The following DCTN4 variants were observed in gnomAD, a reference collection of about 807,000 sequenced individuals.
DCTN4 encodes the protein dynactin 4 (p62).
A neutral mutation model predicts 62.7 loss-of-function variants in DCTN4; 23 were observed. The ratio of observed to expected loss-of-function variants is 0.37; its 90% CI spans 0.26 to 0.52. The LOEUF is 0.52. DCTN4 is among the 20% of genes least tolerant of loss of function. The pLI is 0.92. For synonymous variants in DCTN4, 199 were observed against 202.1 expected, an observed-to-expected ratio of 0.98 and a Z score of 0.13; for missense variants, 514 against 580.4, an observed-to-expected ratio of 0.89 and a Z score of 1.18.
At chr5:150,730,227 C>T (rs1395454668) in intron 8 of DCTN4, among the ~76,000 whole-genome samples, 3 of 152,160 alleles carry the variant, frequency 2.0e-5, no homozygotes, top group African/African-American at 7.2e-5. Context: ...ATTGAAGAAA[C>T]TCTGTCATTT....
At chr5:150,716,183 C>T (rs1332014066) in intron 11 of DCTN4, among the ~76,000 whole-genome samples, 1 of 152,150 alleles carries the variant, frequency 6.6e-6, no homozygotes, top group Non-Finnish European at 1.5e-5. Flanking sequence ...GGATTACAGG[C>T]GTGAGCCACC....
At chr5:150,758,367 T>A in intron 1 of DCTN4, 9 of 986,640 alleles carry the variant, frequency 9.1e-6, no homozygotes, top group Non-Finnish European at 1.1e-5. Context: ...TCTTCCCGGC[T>A]GCAGGCCTTG....
In DCTN4 at chr5:150,733,255, C is replaced by A. The variant is rs924315774; in HGVS notation, c.537+113G>T. The A allele has an allele frequency of 9.4e-6, 6 of 640,348 alleles. No homozygotes were observed. In the Admixed American group the frequency reaches 9.6e-5, roughly 10 times the overall value. 39.7% of individuals were successfully genotyped at this position (640,348 alleles called of 1,614,324 possible). A position where few individuals can be genotyped will look rare whatever the true frequency, so the allele number is the denominator to read the frequency against. Reference sequence around the variant, plus strand: ...CTTAAACGTCTATAATTTGAAGAATCCCTCTCTCTGATATCCACCATTCAG... The same window carrying A: ...CTTAAACGTCTATAATTTGAAGAATACCTCTCTCTGATATCCACCATTCAG... On this transcript the variant is annotated intron_variant, in intron 5 of 12. Transcript: ENST00000447998.
At chr5:150,758,607 A>T (rs1752948846) in intron 1 of DCTN4, 2 of 1,230,996 alleles carry the variant, frequency 1.6e-6, no homozygotes, top group Non-Finnish European at 2.1e-6. Context: ...GCAGACAGAC[A>T]CGGTCCCTAA....
intron 9 of DCTN4, among the ~76,000 whole-genome samples, chr5:150,721,003 T>C (rs1399586509): frequency 4.6e-5 from 7 of 152,176 alleles, no homozygotes; most frequent in Non-Finnish European, 1.0e-4. Flanking sequence ...AAAATGAACA[T>C]ATTTTATGGT....
chr5:150,754,722 C>T (rs998384058), intron 2 of DCTN4, among the ~76,000 whole-genome samples: 2 of 152,202 alleles, frequency 1.3e-5, no homozygotes, highest in South Asian at 4.1e-4. Context: ...AATCCCAGCA[C>T]TTTGGGCCAA....
At chr5:150,731,928 G>A (rs894657196) in intron 5 of DCTN4, 7 of 1,551,426 alleles carry the variant, frequency 4.5e-6, no homozygotes, top group Non-Finnish European at 6.1e-6. Flanking sequence ...CAAAATAGCA[G>A]CAGGTTGCAA....
In DCTN4 at chr5:150,723,122, A is replaced by G. The variant is rs17111304; in HGVS notation, c.835-142T>C. 4,612 of 605,616 alleles carry G rather than the reference A, an allele frequency of 7.6e-3. 135 individuals are homozygous for G. The highest frequency in any genetic ancestry group is 0.066 in the African/African-American group (3,525 of 53,012). 37.5% of individuals were successfully genotyped at this position (605,616 alleles called of 1,614,324 possible). A position where few individuals can be genotyped will look rare whatever the true frequency, so the allele number is the denominator to read the frequency against. On this transcript the variant is annotated intron_variant, in intron 8 of 12. Coordinates refer to ENST00000447998, the MANE Select transcript of DCTN4 (RefSeq NM_016221.4). ...CTATAAGACCATATGTTTTTGAATAATGTATAGCAGCCAAAGTTTATAAAA... is the reference window on the plus strand; with the variant it reads ...CTATAAGACCATATGTTTTTGAATAGTGTATAGCAGCCAAAGTTTATAAAA...
chr5:150,741,633 A>C (rs1760774285), intron 4 of DCTN4, among the ~76,000 whole-genome samples: 2 of 151,990 alleles, frequency 1.3e-5, no homozygotes, highest in South Asian at 4.1e-4. Context: ...GGCATGCGCC[A>C]CCACACTCAG....
chr5:150,713,591 G>C (rs904215763), intron 12 of DCTN4, among the ~76,000 whole-genome samples: 1 of 151,122 alleles, frequency 6.6e-6, no homozygotes, highest in East Asian at 2.0e-4. Context: ...TTACAGGCAC[G>C]TGCCACCACG....
intron 2 of DCTN4, among the ~76,000 whole-genome samples, chr5:150,754,692 G>A (rs1383443350): frequency 1.3e-5 from 2 of 152,174 alleles, no homozygotes; most frequent in Non-Finnish European, 2.9e-5. Flanking sequence ...ATGAGGCTGG[G>A]CACAGCAGCT....
intron 8 of DCTN4, among the ~76,000 whole-genome samples, chr5:150,724,162 GTTAATTTTTT>G (rs1760055623): frequency 6.6e-6 from 1 of 152,094 alleles, no homozygotes; most frequent in South Asian, 2.1e-4. Context: ...TTCCACTGCA[GTTAATTTTTT>G]TTAATTTTTC....
chr5:150,733,023 T>C (rs1385828466), intron 5 of DCTN4, among the ~76,000 whole-genome samples: 1 of 152,170 alleles, frequency 6.6e-6, no homozygotes, highest in Non-Finnish European at 1.5e-5. Flanking sequence ...ATGACTGAAA[T>C]CTACCATTTG....
intron 1 of DCTN4, 94 bp downstream of exon 1, chr5:150,758,765 G>A (rs949738330): frequency 6.5e-7 from 1 of 1,530,772 alleles, no homozygotes; most frequent in Non-Finnish European, 8.9e-7. Flanking sequence ...AATCAGTAAG[G>A]AAGGAAAATA....
chr5:150,721,643 T>C (rs1253976721), intron 9 of DCTN4, among the ~76,000 whole-genome samples: 1 of 152,216 alleles, frequency 6.6e-6, no homozygotes, highest in Non-Finnish European at 1.5e-5. Context: ...TCCTTTCCCA[T>C]AAGCTACCTG....
At chr5:150,754,489 G>T (rs531598499) in intron 2 of DCTN4, among the ~76,000 whole-genome samples, 56 of 152,294 alleles carry the variant, frequency 3.7e-4, no homozygotes, top group Non-Finnish European at 7.2e-4. Flanking sequence ...AATAATAGTG[G>T]TTCACATCCA....
intron 3 of DCTN4, among the ~76,000 whole-genome samples, chr5:150,744,152 T>C (rs1760872081): frequency 6.6e-6 from 1 of 152,098 alleles, no homozygotes; most frequent in African/African-American, 2.4e-5. Context: ...TGCAGAAGCC[T>C]CAGGAGTCGA....
chr5:150,720,761 G>A (rs556106149), intron 9 of DCTN4, among the ~76,000 whole-genome samples: 1 of 152,304 alleles, frequency 6.6e-6, no homozygotes, highest in African/African-American at 2.4e-5. Context: ...TTACAGGCAT[G>A]AGCCAAACAC....
intron 3 of DCTN4, among the ~76,000 whole-genome samples, chr5:150,742,411 C>T (rs1760800762): frequency 6.6e-6 from 1 of 152,188 alleles, no homozygotes; most frequent in Non-Finnish European, 1.5e-5. Context: ...ATTCTCATAA[C>T]AACCCTCTGA....
Sources: allele counts gnomAD v4.1 joint callset (sites outside exome capture counted in the v4.1 genomes callset), GRCh38; gene constraint gnomAD v4.1.1; transcripts MANE v1.5; gene names NCBI Gene and HGNC (gene_info 2026-07-23, HGNC 2026-07-21).